Variants in ATP7B observed in about 807,000 individuals in gnomAD.
ATP7B encodes ATPase copper transporting beta.
Under a neutral mutation model 118.9 loss-of-function variants are expected in ATP7B, and 113 were observed. The ratio of observed to expected loss-of-function variants is 0.95; its 90% CI spans 0.82 to 1.11. ATP7B has a LOEUF of 1.11. ATP7B is among the 50% of genes most tolerant of loss of function. The pLI is 0.00. For missense variants in ATP7B, 1,867 were observed against 1,871.4 expected, an observed-to-expected ratio of 1.00 and a Z score of 0.04; for synonymous variants, 777 against 727.4, an observed-to-expected ratio of 1.07 and a Z score of -1.10.
intron 2 of ATP7B, among the ~76,000 whole-genome samples, chr13:51,972,739 C>T (rs1325949076): frequency 6.6e-6 from 1 of 152,238 alleles, no homozygotes; most frequent in Non-Finnish European, 1.5e-5. Flanking sequence ...GTGGCTCACG[C>T]CTGCAATCCC....
At chr13:51,969,543 T>C (rs1361590955) in intron 3 of ATP7B, among the ~76,000 whole-genome samples, 1 of 151,960 alleles carries the variant, frequency 6.6e-6, no homozygotes, top group African/African-American at 2.4e-5. Flanking sequence ...CTTTCAGGTA[T>C]GAAAAAGAAA....
intron 1 of ATP7B, among the ~76,000 whole-genome samples, chr13:51,978,114 C>G (rs1952217845): frequency 6.6e-6 from 1 of 151,934 alleles, no homozygotes; most frequent in Non-Finnish European, 1.5e-5. Flanking sequence ...CAGAACAAAA[C>G]CAAGAAAATC....
chr13:51,941,158 G>A lies in ATP7B; in HGVS notation c.3479C>T (p.Thr1160Ile), dbSNP rs372318135. The A allele has an allele frequency of 1.2e-6, 2 of 1,614,028 alleles. No homozygotes were observed. The highest frequency in any genetic ancestry group is 1.3e-5 in the African/African-American group (1 of 74,910). The change falls in exon 16 of 21, where the codon ACC becomes ATC. Residue 1160 changes from threonine (T) to isoleucine (I), a missense_variant. By Grantham distance (89) the Thr-to-Ile change is moderately conservative. Coordinates refer to ENST00000242839, the MANE Select transcript of ATP7B (RefSeq NM_000053.4). ...NREWLRRNGLTISSDVSDAMT... is the reference protein window; with the variant it reads ...NREWLRRNGLIISSDVSDAMT... ...AGCGTCACTGACATCGCTAGAAATG[G>A]TTAAACCGTTGCGCCTCAGCCACTC...
chr13:51,956,218 T>C (rs1958339277), intron 9 of ATP7B, among the ~76,000 whole-genome samples: 1 of 152,166 alleles, frequency 6.6e-6, no homozygotes, highest in Non-Finnish European at 1.5e-5. Flanking sequence ...TGAACACTCA[T>C]GCATCTGTGT....
rs528399744 is a variant in ATP7B, at chr13:51,995,562, C to T, written c.51+15725G>A. Among the ~76,000 whole-genome samples, 6 of 152,316 alleles carry T rather than the reference C, an allele frequency of 3.9e-5. No individual in the cohort carries two copies. The South Asian group carries it at 6.2e-4, about 16-fold the overall frequency. On this transcript the variant is annotated intron_variant, in intron 1 of 20. Transcript: ENST00000242839. Reference sequence around the variant, plus strand: ...CTGGCTTTCTCTATCGCTGAGTTCACGGCCACGGCTTCCCTCCTCACTAAA... The same window carrying T: ...CTGGCTTTCTCTATCGCTGAGTTCATGGCCACGGCTTCCCTCCTCACTAAA...
intron 14 of ATP7B, among the ~76,000 whole-genome samples, chr13:51,943,561 A>G (rs1957468971): frequency 6.6e-6 from 1 of 152,160 alleles, no homozygotes; most frequent in African/African-American, 2.4e-5. Context: ...TGCTGCCCCT[A>G]TATTCAGACT....
intron 15 of ATP7B, among the ~76,000 whole-genome samples, chr13:51,942,157 T>C (rs1246155446): frequency 6.6e-6 from 1 of 152,190 alleles, no homozygotes; most frequent in African/African-American, 2.4e-5. Context: ...ATCAAAATCA[T>C]GGGTCAGCTA....
chr13:51,946,290 C>T lies in ATP7B; in HGVS notation c.3054G>A (p.Ala1018=), dbSNP rs193922105. 2.3e-5 allele frequency: 37 copies of T among 1,583,758 alleles called. No individual in the cohort carries two copies. The African/African-American group carries it at 3.2e-4, about 14-fold the overall frequency. ...AGCCGTGCTACAGGCTGACCTTGTG[C>T]GCCATCTCCAGGGGCTTGCCTCCCT... ...LIKGGKPLEM[A]HKIKTVMFDK... The change falls in exon 13 of 21, where the codon GCG becomes GCA. Residue 1018 remains alanine, a synonymous_variant. Transcript: ENST00000242839.
At chr13:51,968,407 G>T in intron 4 of ATP7B, 37 bp downstream of exon 4, 1 of 1,614,106 alleles carries the variant, frequency 6.2e-7, no homozygotes, top group Non-Finnish European at 8.5e-7. Flanking sequence ...CAAACTGTCA[G>T]AAGCCTGTAA....
chr13:51,982,813 A>G (rs1336835170), intron 1 of ATP7B, among the ~76,000 whole-genome samples: 1 of 152,224 alleles, frequency 6.6e-6, no homozygotes, highest in Non-Finnish European at 1.5e-5. Flanking sequence ...ACAAGTGGTT[A>G]GTGAACCTCC....
chr13:51,998,128 T>C (rs1253682895), intron 1 of ATP7B, among the ~76,000 whole-genome samples: 6 of 152,204 alleles, frequency 3.9e-5, no homozygotes, highest in Admixed American at 6.5e-5. Context: ...GGAATCCTGC[T>C]AGCAGCTCTC....
chr13:51,993,160 A>G (rs906776167), intron 1 of ATP7B, among the ~76,000 whole-genome samples: 1 of 152,120 alleles, frequency 6.6e-6, no homozygotes, highest in African/African-American at 2.4e-5. Flanking sequence ...ATACACATTC[A>G]TATTTGTTGG....
At chr13:51,966,218 G>A (rs1951539890) in intron 4 of ATP7B, among the ~76,000 whole-genome samples, 1 of 152,232 alleles carries the variant, frequency 6.6e-6, no homozygotes, top group Admixed American at 6.5e-5. Context: ...AAACCTAAGA[G>A]GTAAGTCTCA....
chr13:51,941,445 T>A (rs565105604), intron 15 of ATP7B, among the ~76,000 whole-genome samples: 4 of 152,028 alleles, frequency 2.6e-5, no homozygotes, highest in Non-Finnish European at 5.9e-5. Context: ...TAATAGTACA[T>A]GCTACATGGG....
At chr13:51,946,561 G>A (rs1957675421) in intron 12 of ATP7B, 83 bp from the exon 13 acceptor site, 1 of 1,510,052 alleles carries the variant, frequency 6.6e-7, no homozygotes, top group Non-Finnish European at 9.1e-7. Context: ...GACATTTCAG[G>A]GGGGCACTGG....
chr13:52,012,096 G>A (rs1954057016), upstream of ATP7B: 7 of 520,522 alleles, frequency 1.3e-5, no homozygotes, highest in Non-Finnish European at 2.4e-5. Context: ...CGGGAACGGG[G>A]GCGCAGGCGC....
chr13:51,942,670 G>A lies in ATP7B; in HGVS notation c.3244-116C>T, dbSNP rs563659275. On this transcript the variant is annotated intron_variant, in intron 14 of 20. Coordinates refer to ENST00000242839, the MANE Select transcript of ATP7B (RefSeq NM_000053.4). ...AGGTGGCAAGAGAGCAGCGGAAAGCGGGAACTGAGAGAAAGGAGGGGAGGG... is the reference window on the plus strand; with the variant it reads ...AGGTGGCAAGAGAGCAGCGGAAAGCAGGAACTGAGAGAAAGGAGGGGAGGG... 71 of 1,302,786 alleles carry A rather than the reference G, an allele frequency of 5.4e-5. No homozygotes were observed. The East Asian group carries it at 1.0e-3, about 19-fold the overall frequency. 80.7% of individuals were successfully genotyped at this position (1,302,786 alleles called of 1,614,324 possible). A position where few individuals can be genotyped will look rare whatever the true frequency, so the allele number is the denominator to read the frequency against.
intron 1 of ATP7B, chr13:51,975,451 C>T (rs948867456): frequency 1.0e-5 from 6 of 593,024 alleles, no homozygotes; most frequent in African/African-American, 5.5e-5. Flanking sequence ...AAGGAAAGCA[C>T]GACACAGCTT....
chr13:51,974,814 T>C lies in ATP7B; in HGVS notation c.406A>G (p.Arg136Gly), dbSNP rs557577836. 1.5e-4 allele frequency: 238 copies of C among 1,614,210 alleles called. 3 individuals carry two copies. The South Asian group carries it at 2.4e-3, about 17-fold the overall frequency. Reference protein sequence around the residue: ...AEGKAASWPSRSLPAQEAVVK... With the variant: ...AEGKAASWPSGSLPAQEAVVK... ...ACAGCCTCCTGGGCAGGCAAGGACC[T>C]TGAGGGCCAGGAGGCTGCCTTTCCT... Residue 136 changes from arginine to glycine, a missense_variant, in exon 2 of 21, where the codon AGG becomes GGG. Coordinates refer to ENST00000242839, the MANE Select transcript of ATP7B (RefSeq NM_000053.4).
Sources: allele counts gnomAD v4.1 joint callset (sites outside exome capture counted in the v4.1 genomes callset), GRCh38; gene constraint gnomAD v4.1.1; transcripts MANE v1.5; gene names NCBI Gene and HGNC (gene_info 2026-07-23, HGNC 2026-07-21).